OTUD7A: variants seen among roughly 807,000 people sequenced by gnomAD.
OTUD7A encodes the protein OTU deubiquitinase 7A, also known as OTU domain-containing protein 7A.
In OTUD7A, 12 loss-of-function variants were observed where a neutral mutation model predicts 65.7. The ratio of observed to expected loss-of-function variants is 0.18; its 90% CI spans 0.12 to 0.30. The LOEUF is 0.30. OTUD7A is among the 10% of genes least tolerant of loss of function. The probability of loss-of-function intolerance (pLI) is 1.00; values close to 1 mark genes in which losing one functional copy is unlikely to be tolerated. For missense variants in OTUD7A, 1,148 were observed against 1,304.8 expected (o/e 0.88, Z 1.85); for synonymous variants, 641 against 586.3 (o/e 1.09, Z -1.35).
chr15:31,851,982 C>T (rs1346124127), intron 1 of OTUD7A, among the ~76,000 whole-genome samples: 2 of 152,150 alleles, frequency 1.3e-5, no homozygotes, highest in Non-Finnish European at 2.9e-5. Context: ...CCTCAGCCTC[C>T]CTAGTAGCTG....
At chr15:31,535,693 T>TTTTTG (rs1887775852) in intron 5 of OTUD7A, among the ~76,000 whole-genome samples, 1 of 144,432 alleles carries the variant, frequency 6.9e-6, no homozygotes. Flanking sequence ...TTTTTTTTTT[T>TTTTTG]TGAGACAGAG....
At chr15:31,860,607 G>A (rs1191410406) in intron 1 of OTUD7A, among the ~76,000 whole-genome samples, 3 of 84,634 alleles carry the variant, frequency 3.5e-5, no homozygotes, top group Admixed American at 1.2e-4. Flanking sequence ...TATTCTCCTC[G>A]ACCCCAGAAG....
At chr15:31,850,195 T>C (rs992727056) in intron 1 of OTUD7A, among the ~76,000 whole-genome samples, 3 of 152,090 alleles carry the variant, frequency 2.0e-5, no homozygotes, top group African/African-American at 2.4e-5. Flanking sequence ...ATTAAGAAAA[T>C]GTGGCACATA....
intron 1 of OTUD7A, among the ~76,000 whole-genome samples, chr15:31,775,602 T>A (rs997233043): frequency 2.6e-5 from 4 of 152,162 alleles, no homozygotes; most frequent in African/African-American, 9.7e-5. Flanking sequence ...AGGAAAATAC[T>A]CTTTGAAGCT....
At chr15:31,607,800 G>A (rs1890279909) in intron 3 of OTUD7A, among the ~76,000 whole-genome samples, 1 of 152,234 alleles carries the variant, frequency 6.6e-6, no homozygotes, top group South Asian at 2.1e-4. Context: ...TAGCCTAGGT[G>A]TGTAGTAGGC....
intron 3 of OTUD7A, among the ~76,000 whole-genome samples, chr15:31,633,100 G>A (rs191745876): frequency 6.2e-4 from 94 of 152,242 alleles, no homozygotes; most frequent in African/African-American, 1.9e-3. Context: ...GCCCTGCTTC[G>A]GCCCACGCAC....
intron 1 of OTUD7A, among the ~76,000 whole-genome samples, chr15:31,744,315 C>T (rs553299765): frequency 6.6e-6 from 1 of 152,052 alleles, no homozygotes; most frequent in Non-Finnish European, 1.5e-5. Flanking sequence ...AAGAAAAGAA[C>T]AGATCAACAA....
At chr15:31,762,781 TATG>T (rs1431310120) in intron 1 of OTUD7A, among the ~76,000 whole-genome samples, 2 of 152,216 alleles carry the variant, frequency 1.3e-5, no homozygotes, top group Non-Finnish European at 2.9e-5. Context: ...ATATTCTCCT[TATG>T]ATAAGACATA....
chr15:31,588,721 A>C (rs1350378699), intron 3 of OTUD7A, among the ~76,000 whole-genome samples: 1 of 152,192 alleles, frequency 6.6e-6, no homozygotes, highest in Non-Finnish European at 1.5e-5. Flanking sequence ...ACACTCATCC[A>C]GGGATCCAGG....
intron 5 of OTUD7A, among the ~76,000 whole-genome samples, chr15:31,539,617 G>C (rs1887926497): frequency 6.6e-6 from 1 of 152,160 alleles, no homozygotes; most frequent in Non-Finnish European, 1.5e-5. Flanking sequence ...GGGGCCAATT[G>C]GGAAAATCTG....
At chr15:31,583,964 T>G (rs1555398727) in intron 3 of OTUD7A, among the ~76,000 whole-genome samples, 1 of 152,168 alleles carries the variant, frequency 6.6e-6, no homozygotes, top group Non-Finnish European at 1.5e-5. Flanking sequence ...GATACAGAAT[T>G]TCATACTGGA....
chr15:31,758,213 T>C (rs1056366541), intron 1 of OTUD7A, among the ~76,000 whole-genome samples: 4 of 152,178 alleles, frequency 2.6e-5, no homozygotes, highest in Admixed American at 6.5e-5. Context: ...TAGTATCATT[T>C]AGATAAAGGG....
At chr15:31,819,426 AAAAAATGTAG>A (rs1309997777) in intron 1 of OTUD7A, among the ~76,000 whole-genome samples, 2 of 152,232 alleles carry the variant, frequency 1.3e-5, no homozygotes, top group Non-Finnish European at 2.9e-5. Flanking sequence ...CCAAAAAGTA[AAAAAATGTAG>A]ACCTGCATTT....
chr15:31,794,309 A>G (rs960623055), intron 1 of OTUD7A, among the ~76,000 whole-genome samples: 1 of 152,220 alleles, frequency 6.6e-6, no homozygotes, highest in Non-Finnish European at 1.5e-5. Flanking sequence ...ATAGATTTGC[A>G]GTATGCAGTA....
At chr15:31,757,699 C>T (rs571638807) in intron 1 of OTUD7A, among the ~76,000 whole-genome samples, 1 of 152,230 alleles carries the variant, frequency 6.6e-6, no homozygotes, top group East Asian at 1.9e-4. Flanking sequence ...AATGAAATGT[C>T]AATTACATTT....
chr15:31,695,297 G>C (rs980274422), intron 1 of OTUD7A, among the ~76,000 whole-genome samples: 3 of 139,504 alleles, frequency 2.2e-5, no homozygotes, highest in African/African-American at 7.6e-5. Flanking sequence ...ACCAGCAGTG[G>C]GATGGCTGGA....
chr15:31,606,083 G>A (rs1371926342), intron 3 of OTUD7A, among the ~76,000 whole-genome samples: 2 of 152,202 alleles, frequency 1.3e-5, no homozygotes, highest in African/African-American at 4.8e-5. Context: ...CAATGTCTCT[G>A]GTTTGGATCC....
intron 1 of OTUD7A, among the ~76,000 whole-genome samples, chr15:31,730,297 C>A (rs974657243): frequency 1.3e-5 from 2 of 152,190 alleles, no homozygotes; most frequent in South Asian, 2.1e-4. Flanking sequence ...TAGCAGCCCA[C>A]GGTGCCTGAG....
chr15:31,665,120 A>G (rs1274750834), intron 1 of OTUD7A, among the ~76,000 whole-genome samples: 1 of 152,166 alleles, frequency 6.6e-6, no homozygotes, highest in African/African-American at 2.4e-5. Flanking sequence ...CTTTTTGCTT[A>G]GTCTTACTTT....
Sources: gnomAD v4.1 joint callset for allele counts (sites outside exome capture counted in the v4.1 genomes callset) on GRCh38, gnomAD v4.1.1 for gene constraint, MANE v1.5 for transcripts, NCBI Gene and HGNC (gene_info 2026-07-23, HGNC 2026-07-21) for gene names.